LINGO2: variants seen among roughly 807,000 people sequenced by gnomAD.
The protein encoded by LINGO2 is leucine rich repeat and Ig domain containing 2.
Under a neutral mutation model 30.6 loss-of-function variants are expected in LINGO2, and 14 were observed. The ratio of observed to expected loss-of-function variants is 0.46; its 90% CI spans 0.30 to 0.72. LINGO2 has a LOEUF of 0.72. LINGO2 is among the 30% of genes least tolerant of loss of function. The probability of loss-of-function intolerance (pLI) is 0.07; values close to 1 mark genes in which losing one functional copy is unlikely to be tolerated. For missense variants in LINGO2, 729 were observed against 751.7 expected (o/e 0.97, Z 0.35); for synonymous variants, 317 against 288.5 (o/e 1.10, Z -1.00).
At chr9:28,524,036 T>A (rs546823612) in intron 1 of LINGO2, among the ~76,000 whole-genome samples, 101 of 152,110 alleles carry the variant, frequency 6.6e-4, no homozygotes, top group African/African-American at 1.7e-3. Flanking sequence ...ACTACAAAGC[T>A]ACAGAAATTA....
At chr9:27,964,528 G>T (rs192001408) in intron 5 of LINGO2, among the ~76,000 whole-genome samples, 8 of 152,182 alleles carry the variant, frequency 5.3e-5, no homozygotes, top group Middle Eastern at 3.4e-3. Context: ...TTAATGCAAT[G>T]AAATCGATAT....
the LINGO2 span, among the ~76,000 whole-genome samples, chr9:29,128,857 GC>G: frequency 2.4e-4 from 36 of 152,094 alleles, no homozygotes; most frequent in East Asian, 6.6e-3. Flanking sequence ...TACCAAATTG[GC>G]TTATAACTAA....
At chr9:28,169,739 G>A (rs954729735) in intron 4 of LINGO2, among the ~76,000 whole-genome samples, 2 of 152,150 alleles carry the variant, frequency 1.3e-5, no homozygotes, top group Non-Finnish European at 2.9e-5. Context: ...ATTGAGAAAT[G>A]GAAAGGTAGC....
the LINGO2 span, among the ~76,000 whole-genome samples, chr9:28,797,185 T>C: frequency 6.6e-6 from 1 of 151,290 alleles, no homozygotes; most frequent in Non-Finnish European, 1.5e-5. Flanking sequence ...ACTCAACAAA[T>C]ATTGATTAAA....
At chr9:28,981,031 A>T in the LINGO2 span, among the ~76,000 whole-genome samples, 6 of 152,132 alleles carry the variant, frequency 3.9e-5, no homozygotes, top group Admixed American at 2.6e-4. Flanking sequence ...AGCCACTAGC[A>T]TTATGAACCA....
intron 4 of LINGO2, among the ~76,000 whole-genome samples, chr9:28,264,985 C>T (rs1052808406): frequency 3.3e-5 from 5 of 151,906 alleles, no homozygotes; most frequent in Admixed American, 6.6e-5. Context: ...AGCATCAACT[C>T]CTGCTAAGTT....
At chr9:28,530,416 C>G (rs763516460) in intron 1 of LINGO2, among the ~76,000 whole-genome samples, 5 of 152,062 alleles carry the variant, frequency 3.3e-5, no homozygotes, top group Non-Finnish European at 5.9e-5. Flanking sequence ...ACTGGAATGC[C>G]TTTGCCCCAG....
chr9:28,015,071 T>C (rs553008191), intron 4 of LINGO2, among the ~76,000 whole-genome samples: 25 of 152,038 alleles, frequency 1.6e-4, no homozygotes, highest in African/African-American at 6.0e-4. Context: ...GTGTCTCAAA[T>C]TGAATGTCAA....
Position 28,044,668 on chromosome 9 carries a change from C to T in LINGO2, c.-86-32263G>A, listed in dbSNP as rs554599854. On this transcript the variant is annotated intron_variant, in intron 4 of 5. Transcript: ENST00000379992. ...AGTCAAGCAAGAAGAGGAAACCATG[C>T]TATCAATGCTGGTGCAGGGGAGAAT... Among the ~76,000 whole-genome samples the T allele has an allele frequency of 3.3e-5, 5 of 152,120 alleles. No homozygotes were observed. In the South Asian group the frequency reaches 1.0e-3, roughly 32 times the overall value.
chr9:27,995,068 T>G (rs1821590331), intron 5 of LINGO2, among the ~76,000 whole-genome samples: 1 of 152,090 alleles, frequency 6.6e-6, no homozygotes, highest in Non-Finnish European at 1.5e-5. Context: ...ACCTTATAAC[T>G]GATACCACAG....
At chr9:29,202,018 T>C in the LINGO2 span, among the ~76,000 whole-genome samples, 1,209 of 152,162 alleles carry the variant, frequency 7.9e-3, 17 homozygotes, top group African/African-American at 0.024. Flanking sequence ...GTTTTGGATA[T>C]GATTTAAAAC....
the LINGO2 span, among the ~76,000 whole-genome samples, chr9:29,147,230 T>A: frequency 2.0e-5 from 3 of 152,150 alleles, no homozygotes; most frequent in African/African-American, 7.2e-5. Context: ...GAGTATCAGC[T>A]ACACACCATC....
At chr9:28,632,867 TATATATATATATGTAGAGAGAGAGAGAG>T (rs1827053280) in intron 1 of LINGO2, among the ~76,000 whole-genome samples, 2 of 109,146 alleles carry the variant, frequency 1.8e-5, no homozygotes, top group Non-Finnish European at 3.5e-5. Flanking sequence ...TATATATATA[TATATATATATATGTAGAGAGAGAGAGAG>T]AGAGAGAGAG....
intron 3 of LINGO2, among the ~76,000 whole-genome samples, chr9:28,296,005 C>T (rs922646008): frequency 6.6e-6 from 1 of 152,078 alleles, no homozygotes; most frequent in Non-Finnish European, 1.5e-5. Context: ...AGAGAGTAAC[C>T]AATGTAAATG....
chr9:28,777,870 C>A, the LINGO2 span, among the ~76,000 whole-genome samples: 10 of 152,258 alleles, frequency 6.6e-5, no homozygotes, highest in East Asian at 1.7e-3. Flanking sequence ...GGTATTAAAT[C>A]CTTTTTTATT....
At chr9:28,267,374 A>G (rs1455243964) in intron 4 of LINGO2, among the ~76,000 whole-genome samples, 1 of 152,022 alleles carries the variant, frequency 6.6e-6, no homozygotes, top group Non-Finnish European at 1.5e-5. Flanking sequence ...TTAGGGCAAA[A>G]CAAAACGCAA....
At chr9:28,627,057 A>G (rs1275434976) in intron 1 of LINGO2, among the ~76,000 whole-genome samples, 1 of 151,340 alleles carries the variant, frequency 6.6e-6, no homozygotes, top group Non-Finnish European at 1.5e-5. Flanking sequence ...GAGTTTGTGT[A>G]TTTTTTTAAG....
At chr9:28,776,198 T>G in the LINGO2 span, among the ~76,000 whole-genome samples, 1 of 152,312 alleles carries the variant, frequency 6.6e-6, no homozygotes, top group South Asian at 2.1e-4. Context: ...ATCCTTAGGA[T>G]AGGAGAATGG....
chr9:28,790,853 G>C, the LINGO2 span, among the ~76,000 whole-genome samples: 7 of 152,062 alleles, frequency 4.6e-5, no homozygotes, highest in African/African-American at 1.7e-4. Flanking sequence ...TTCATTTAAA[G>C]TTTGATATTA....
Sources: allele counts gnomAD v4.1 joint callset (sites outside exome capture counted in the v4.1 genomes callset), GRCh38; gene constraint gnomAD v4.1.1; transcripts MANE v1.5; gene names NCBI Gene and HGNC (gene_info 2026-07-23, HGNC 2026-07-21).